GALNT17: variants seen among roughly 807,000 people sequenced by gnomAD.
GALNT17 encodes the protein UDP-GalNAc:polypeptide N-acetylgalactosaminyltransferase-like 3.
GALNT17 carries 29 observed loss-of-function variants against 63.7 expected under a neutral mutation model. The ratio of observed to expected loss-of-function variants is 0.46; its 90% CI spans 0.34 to 0.62. The LOEUF (loss-of-function observed/expected upper bound fraction) is 0.62. Among genes scored for constraint, GALNT17 ranks in the 20% least tolerant of loss-of-function variants. The pLI, the probability that GALNT17 is intolerant of heterozygous loss-of-function variation, is 0.01. For synonymous variants in GALNT17, 305 were observed against 318.3 expected, an observed-to-expected ratio of 0.96 and a Z score of 0.45; for missense variants, 603 against 799.6, an observed-to-expected ratio of 0.75 and a Z score of 2.97.
intron 1 of GALNT17, among the ~76,000 whole-genome samples, chr7:71,327,924 C>T (rs1173102029): frequency 6.6e-6 from 1 of 151,914 alleles, no homozygotes; most frequent in Admixed American, 6.6e-5. Context: ...AATAAGTACA[C>T]CTCTCTCTCT....
At chr7:71,261,248 G>A (rs1325515794) in intron 1 of GALNT17, among the ~76,000 whole-genome samples, 1 of 151,990 alleles carries the variant, frequency 6.6e-6, no homozygotes. Context: ...AGGACTCATG[G>A]GCCCCTGTTC....
intron 1 of GALNT17, among the ~76,000 whole-genome samples, chr7:71,167,690 T>C (rs1788467499): frequency 6.6e-6 from 1 of 152,130 alleles, no homozygotes; most frequent in South Asian, 2.1e-4. Flanking sequence ...ATGTTTTGTT[T>C]TATTATTTTT....
At chr7:71,631,922 G>T (rs1470411217) in intron 6 of GALNT17, among the ~76,000 whole-genome samples, 5 of 151,612 alleles carry the variant, frequency 3.3e-5, no homozygotes, top group East Asian at 2.0e-4. Flanking sequence ...TTCTTTTTTT[G>T]TGTGTGTAGA....
chr7:71,463,669 A>G (rs954499972), intron 5 of GALNT17, among the ~76,000 whole-genome samples: 9 of 152,202 alleles, frequency 5.9e-5, no homozygotes, highest in African/African-American at 2.2e-4. Context: ...TTTCTGGGAA[A>G]GGGGTAGGCA....
chr7:71,390,581 T>C (rs1793032009), intron 3 of GALNT17, among the ~76,000 whole-genome samples: 1 of 152,206 alleles, frequency 6.6e-6, no homozygotes, highest in African/African-American at 2.4e-5. Flanking sequence ...AAAGTCTCTT[T>C]CCTTGACATG....
intron 5 of GALNT17, among the ~76,000 whole-genome samples, chr7:71,498,952 A>G (rs987600570): frequency 2.6e-5 from 4 of 152,228 alleles, no homozygotes; most frequent in Admixed American, 2.0e-4. Flanking sequence ...TGCTAAAAGC[A>G]TCTGTTGATG....
chr7:71,154,964 C>G (rs1461619394), intron 1 of GALNT17, among the ~76,000 whole-genome samples: 1 of 151,778 alleles, frequency 6.6e-6, no homozygotes, highest in African/African-American at 2.4e-5. Context: ...TGAATTTTTT[C>G]GGGAAAGTCT....
chr7:71,482,018 C>G (rs531090683), intron 5 of GALNT17, among the ~76,000 whole-genome samples: 1 of 150,506 alleles, frequency 6.6e-6, no homozygotes, highest in East Asian at 2.0e-4. Context: ...GAGGTCAAAT[C>G]CTTGCAAAAA....
rs1787858870 is a variant in GALNT17, at chr7:71,483,583, T to C, written c.962+62478T>C. ...GGCTACGCTATTTTTTTTGAGACAT[T>C]GTCTCACTCTGTCACCCAGGCTAGA... On this transcript the variant is annotated intron_variant, in intron 5 of 10. Coordinates refer to ENST00000333538, the MANE Select transcript of GALNT17 (RefSeq NM_022479.3). 2.6e-5 allele frequency among the ~76,000 whole-genome samples: 4 copies of C among 151,732 alleles called. No homozygotes were observed. In the South Asian group the frequency reaches 8.3e-4, roughly 32 times the overall value.
chr7:71,171,646 A>C (rs1469398017), intron 1 of GALNT17, among the ~76,000 whole-genome samples: 1 of 152,244 alleles, frequency 6.6e-6, no homozygotes, highest in East Asian at 1.9e-4. Flanking sequence ...TGCTTTATTT[A>C]CAGAAGATTC....
At chr7:71,291,843 T>G (rs1002274824) in intron 1 of GALNT17, among the ~76,000 whole-genome samples, 8 of 152,248 alleles carry the variant, frequency 5.3e-5, no homozygotes, top group Admixed American at 3.3e-4. Flanking sequence ...GTTTTAAATT[T>G]CTTGCATTTA....
At chr7:71,414,196 G>A (rs780139321) in intron 3 of GALNT17, among the ~76,000 whole-genome samples, 26 of 152,208 alleles carry the variant, frequency 1.7e-4, no homozygotes, top group East Asian at 3.9e-4. Flanking sequence ...AGCTGAGATC[G>A]CGCCACTGCA....
chr7:71,690,019 C>CTTTTTTTTTT (rs36049127), intron 9 of GALNT17, among the ~76,000 whole-genome samples: 1 of 142,826 alleles, frequency 7.0e-6, no homozygotes. Context: ...TACTGAATAT[C>CTTTTTTTTTT]TTTTTTTTTT....
chr7:71,432,544 C>T (rs373852734), intron 5 of GALNT17, among the ~76,000 whole-genome samples: 1 of 152,150 alleles, frequency 6.6e-6, no homozygotes, highest in Non-Finnish European at 1.5e-5. Context: ...TGATCCAGGG[C>T]CAGTTCTTTC....
At chr7:71,173,358 G>A (rs544933941) in intron 1 of GALNT17, among the ~76,000 whole-genome samples, 1 of 152,310 alleles carries the variant, frequency 6.6e-6, no homozygotes, top group East Asian at 1.9e-4. Flanking sequence ...CTCTTGGGCT[G>A]TGCATATTGT....
chr7:71,343,263 A>G (rs1056845378), intron 2 of GALNT17, among the ~76,000 whole-genome samples: 1 of 152,174 alleles, frequency 6.6e-6, no homozygotes, highest in South Asian at 2.1e-4. Context: ...TTATTCCCCA[A>G]TGGATAGGAT....
intron 5 of GALNT17, among the ~76,000 whole-genome samples, chr7:71,440,106 T>G (rs1787038815): frequency 6.6e-6 from 1 of 151,824 alleles, no homozygotes; most frequent in African/African-American, 2.4e-5. Context: ...TTTTTCGTAT[T>G]TTTAGTAGGG....
At chr7:71,321,896 TTC>T (rs1791615751) in intron 1 of GALNT17, among the ~76,000 whole-genome samples, 1 of 94,324 alleles carries the variant, frequency 1.1e-5, no homozygotes, top group Non-Finnish European at 2.2e-5. Context: ...CCTTCCTTCC[TTC>T]CTTCCTTCCT....
chr7:71,361,686 A>G (rs890778068), intron 2 of GALNT17, among the ~76,000 whole-genome samples: 3 of 152,086 alleles, frequency 2.0e-5, no homozygotes, highest in Non-Finnish European at 4.4e-5. Context: ...TTTTATTTCT[A>G]TTGCATAGAT....
Sources: gnomAD v4.1 joint callset for allele counts (sites outside exome capture counted in the v4.1 genomes callset) on GRCh38, gnomAD v4.1.1 for gene constraint, MANE v1.5 for transcripts, NCBI Gene and HGNC (gene_info 2026-07-23, HGNC 2026-07-21) for gene names.